CDH2: variants seen among roughly 807,000 people sequenced by gnomAD.
CDH2 encodes cadherin-2.
Under a neutral mutation model 92.0 loss-of-function variants are expected in CDH2, and 17 were observed. That is an observed-to-expected ratio of 0.18 (90% CI 0.13 to 0.28). The LOEUF (loss-of-function observed/expected upper bound fraction) is 0.28, where lower values mean the gene tolerates loss of function less well. CDH2 is among the 10% of genes least tolerant of loss of function. The probability of loss-of-function intolerance (pLI) is 1.00; values close to 1 mark genes in which losing one functional copy is unlikely to be tolerated. For missense variants in CDH2, 862 were observed against 1,133.1 expected, an observed-to-expected ratio of 0.76 and a Z score of 3.44; for synonymous variants, 419 against 415.9, an observed-to-expected ratio of 1.01 and a Z score of -0.09.
intron 2 of CDH2, among the ~76,000 whole-genome samples, chr18:28,090,795 A>G (rs1351905894): frequency 6.6e-6 from 1 of 152,190 alleles, no homozygotes; most frequent in African/African-American, 2.4e-5. Flanking sequence ...GCCTACAAAT[A>G]CCCAGAAGCC....
chr18:28,099,065 G>T (rs2015185717), intron 2 of CDH2, among the ~76,000 whole-genome samples: 1 of 151,878 alleles, frequency 6.6e-6, no homozygotes, highest in South Asian at 2.1e-4. Flanking sequence ...TTTTCTTTTT[G>T]CTCATCTGCT....
chr18:28,067,485 T>C (rs2014532163), intron 2 of CDH2, among the ~76,000 whole-genome samples: 1 of 152,314 alleles, frequency 6.6e-6, no homozygotes, highest in East Asian at 1.9e-4. Flanking sequence ...TCATACAATA[T>C]GTGGTCCTTT....
At chr18:28,137,677 C>G (rs967946101) in intron 2 of CDH2, among the ~76,000 whole-genome samples, 2 of 152,022 alleles carry the variant, frequency 1.3e-5, no homozygotes, top group Non-Finnish European at 2.9e-5. Context: ...TAGGAGACAA[C>G]CCTTTATTGA....
chr18:27,983,112 A>G (rs1356500603), intron 13 of CDH2, 29 bp from the exon 14 acceptor site: 2 of 1,572,812 alleles, frequency 1.3e-6, no homozygotes, highest in Non-Finnish European at 1.7e-6. Flanking sequence ...AAAATACATA[A>G]TATTGTCATT....
intron 2 of CDH2, among the ~76,000 whole-genome samples, chr18:28,099,471 A>G (rs2015192039): frequency 6.6e-6 from 1 of 152,170 alleles, no homozygotes; most frequent in Non-Finnish European, 1.5e-5. Context: ...TTATGTTTGT[A>G]GTCACACTAA....
At chr18:28,081,543 A>C (rs2014829467) in intron 2 of CDH2, among the ~76,000 whole-genome samples, 1 of 152,236 alleles carries the variant, frequency 6.6e-6, no homozygotes, top group Admixed American at 6.5e-5. Flanking sequence ...ATATTTAGCA[A>C]GTCATGATAT....
chr18:28,160,977 C>T (rs1005078427), intron 1 of CDH2, among the ~76,000 whole-genome samples: 5 of 152,140 alleles, frequency 3.3e-5, no homozygotes, highest in African/African-American at 1.2e-4. Flanking sequence ...TGCCTTTTTT[C>T]TCATCTAGCA....
chr18:28,177,084 A>AGGAGGAGGCAGCGGCGGCGGC lies in CDH2; in HGVS notation c.-63_-62insGCCGCCGCCGCTGCCTCCTCC, dbSNP rs1568029001. ...GCGGCGGCGGCGGCGGCGGCGGCGG[A>AGGAGGAGGCAGCGGCGGCGGC]GGAGGAGGAGGCAGCGGCAGCACCA... On this transcript the variant is annotated 5_prime_UTR_variant, in exon 1 of 16. Transcript: ENST00000269141. 283 of 1,019,238 alleles carry AGGAGGAGGCAGCGGCGGCGGC rather than the reference A, an allele frequency of 2.8e-4. No homozygotes were observed. The highest frequency in any genetic ancestry group is 3.5e-4 in the Non-Finnish European group (258 of 736,492). The allele number at this position is 1,019,238 out of a possible 1,614,324, so 63.1% of individuals were successfully genotyped here. A position where few individuals can be genotyped will look rare whatever the true frequency, so the allele number is the denominator to read the frequency against.
intron 6 of CDH2, among the ~76,000 whole-genome samples, chr18:27,936,777 C>T (rs1024210048): frequency 6.6e-6 from 1 of 152,140 alleles, no homozygotes; most frequent in Non-Finnish European, 1.5e-5. Context: ...TCAAGTGATC[C>T]TCCTGCCTTG....
At chr18:28,093,943 A>G (rs1471081986) in intron 2 of CDH2, among the ~76,000 whole-genome samples, 1 of 152,220 alleles carries the variant, frequency 6.6e-6, no homozygotes, top group East Asian at 1.9e-4. Flanking sequence ...GTGCCTGAGC[A>G]GAGGTGGTCC....
intron 1 of CDH2, among the ~76,000 whole-genome samples, chr18:28,165,103 C>T (rs2016359066): frequency 6.6e-6 from 1 of 152,188 alleles, no homozygotes. Flanking sequence ...CTGTGTAAAA[C>T]AATGGTAATG....
At chr18:28,155,587 C>T (rs573220332) in intron 1 of CDH2, among the ~76,000 whole-genome samples, 5 of 152,094 alleles carry the variant, frequency 3.3e-5, no homozygotes, top group Admixed American at 1.3e-4. Context: ...GGGATGGAGC[C>T]GCAGTACAGG....
At chr18:27,998,634 C>T (rs2012664737) in intron 7 of CDH2, among the ~76,000 whole-genome samples, 1 of 152,136 alleles carries the variant, frequency 6.6e-6, no homozygotes, top group Non-Finnish European at 1.5e-5. Context: ...GTTCTTGAGA[C>T]AGGGTCTCAT....
At chr18:28,009,670 AT>A in intron 5 of CDH2, 46 bp downstream of exon 5, 1 of 1,584,024 alleles carries the variant, frequency 6.3e-7, no homozygotes, top group South Asian at 1.1e-5. Context: ...CTCTGCAGAC[AT>A]TTAGAACTGT....
chr18:28,151,510 ACAT>A (rs2016121348), intron 1 of CDH2, among the ~76,000 whole-genome samples: 1 of 152,208 alleles, frequency 6.6e-6, no homozygotes, highest in Non-Finnish European at 1.5e-5. Context: ...CTACAGCAAC[ACAT>A]GAAAAAGAGG....
chr18:28,034,297 A>G (rs982337696), intron 2 of CDH2, among the ~76,000 whole-genome samples: 3 of 152,126 alleles, frequency 2.0e-5, no homozygotes, highest in Admixed American at 1.3e-4. Context: ...ACCCGAGTGA[A>G]TATCACCAGT....
At chr18:27,952,941 A>C (rs1598983019) in intron 15 of CDH2, among the ~76,000 whole-genome samples, 1 of 152,306 alleles carries the variant, frequency 6.6e-6, no homozygotes, top group South Asian at 2.1e-4. Flanking sequence ...TCAAAGAGAA[A>C]GTAGCATTGT....
chr18:27,980,663 C>T (rs1241587240), intron 14 of CDH2, among the ~76,000 whole-genome samples: 1 of 151,858 alleles, frequency 6.6e-6, no homozygotes, highest in Non-Finnish European at 1.5e-5. Context: ...CAAAAAGATA[C>T]CACAGGAAGA....
intron 3 of CDH2, among the ~76,000 whole-genome samples, chr18:28,012,969 T>C (rs868036131): frequency 1.3e-5 from 2 of 152,176 alleles, no homozygotes; most frequent in Non-Finnish European, 2.9e-5. Flanking sequence ...TCAGAATATA[T>C]GGGTGTGTCC....
Sources: gnomAD v4.1 joint callset for allele counts (sites outside exome capture counted in the v4.1 genomes callset) on GRCh38, gnomAD v4.1.1 for gene constraint, MANE v1.5 for transcripts, NCBI Gene and HGNC (gene_info 2026-07-23, HGNC 2026-07-21) for gene names.